The following GDF7 variants were observed in gnomAD, a reference collection of about 807,000 sequenced individuals.
The protein encoded by GDF7 is growth differentiation factor 7, also known as growth/differentiation factor 7.
Under a neutral mutation model 13.4 loss-of-function variants are expected in GDF7, and 12 were observed. The observed-to-expected ratio is 0.90, with a 90% CI of 0.57 to 1.45. GDF7 has a LOEUF of 1.45. Among genes scored for constraint, GDF7 ranks in the 40% most tolerant of loss-of-function variants. The probability of loss-of-function intolerance (pLI) is 0.00; values close to 1 mark genes in which losing one functional copy is unlikely to be tolerated. For missense variants in GDF7, 651 were observed against 652.4 expected, an observed-to-expected ratio of 1.00 and a Z score of 0.02; for synonymous variants, 330 against 306.4, an observed-to-expected ratio of 1.08 and a Z score of -0.80.
Position 20,673,645 on chromosome 2 carries a change from C to A in GDF7, c.*2220C>A, listed in dbSNP as rs1404154295. ...ATACTTTTTTAGTGACTAGTAAAAA[C>A]AATTTTTTGGGCAGAAATGTCTTGA... is the stretch of plus-strand genomic sequence containing the variant. On this transcript the variant is annotated 3_prime_UTR_variant, in exon 2 of 2. Coordinates refer to ENST00000272224, the MANE Select transcript of GDF7 (RefSeq NM_182828.4). 6.6e-6 allele frequency: 1 copy of A among 152,180 alleles called. No homozygotes were observed. The highest frequency in any genetic ancestry group is 1.5e-5 in the Non-Finnish European group (1 of 68,026). The allele number at this position is 152,180 out of a possible 1,614,324, so 9.4% of individuals were successfully genotyped here.
Position 20,670,518 on chromosome 2 carries a change from A to G in GDF7, c.446A>G (p.Asn149Ser). Reference sequence around the variant, plus strand: ...TTCCTGTTCGACGTGTCCAGCCTTAACGACGCAGACGAGGTGGTGGGTGCC... The same window carrying G: ...TTCCTGTTCGACGTGTCCAGCCTTAGCGACGCAGACGAGGTGGTGGGTGCC... ...QSFLFDVSSL[N>S]DADEVVGAEL... Residue 149 changes from asparagine (N) to serine (S), a missense_variant, in exon 2 of 2, where the codon AAC (asparagine) becomes AGC (serine). Physicochemically the swap from Asn to Ser is conservative, Grantham distance 46. Around this residue, in one of 4 missense-constraint regions of GDF7, gnomAD observed 487 missense variants for 445.9 expected, o/e 1.09. Transcript: ENST00000272224. 1 of 1,596,796 alleles carries G rather than the reference A, an allele frequency of 6.3e-7. No homozygotes were observed. The highest frequency in any genetic ancestry group is 8.5e-7 in the Non-Finnish European group (1 of 1,173,022).
rs1662110913 is a variant in GDF7, at chr2:20,670,973, C to T, written c.901C>T (p.Pro301Ser). 6.4e-7 allele frequency: 1 copy of T among 1,558,052 alleles called. No individual in the cohort carries two copies. The highest frequency in any genetic ancestry group is 8.6e-7 in the Non-Finnish European group (1 of 1,158,836). ...LGAALASEPL[P>S]DPGTGTASPR... Reference sequence around the variant, plus strand: ...GGCCGCTCTGGCCTCAGAGCCGCTGCCCGACCCAGGAACCGGCACCGCGTC... The same window carrying T: ...GGCCGCTCTGGCCTCAGAGCCGCTGTCCGACCCAGGAACCGGCACCGCGTC... Residue 301 changes from proline (P) to serine (S), a missense_variant, in exon 2 of 2, where the codon CCC becomes TCC. Pro to Ser is a moderately conservative substitution (Grantham distance 74). Around this residue, in one of 4 missense-constraint regions of GDF7, gnomAD observed 487 missense variants for 445.9 expected, o/e 1.09. Coordinates refer to ENST00000272224, the MANE Select transcript of GDF7 (RefSeq NM_182828.4).
intron 1 of GDF7, among the ~76,000 whole-genome samples, chr2:20,669,391 AGCTCCTTATCT>A (rs1265656117): frequency 6.6e-6 from 1 of 151,638 alleles, no homozygotes; most frequent in African/African-American, 2.4e-5. Flanking sequence ...CTTCAAAGGG[AGCTCCTTATCT>A]GCTGCGTGGT....
chr2:20,669,252 T>C (rs1662053035), intron 1 of GDF7, among the ~76,000 whole-genome samples: 1 of 151,922 alleles, frequency 6.6e-6, no homozygotes, highest in Non-Finnish European at 1.5e-5. Context: ...CAGAAGCCAT[T>C]GATAGGGATA....
rs761497794 is a variant in GDF7 at position 20,671,206 on chromosome 2, C to T, written c.1134C>T (p.Cys378=). 6.2e-7 allele frequency: 1 copy of T among 1,613,892 alleles called. No individual in the cohort carries two copies. The highest frequency in any genetic ancestry group is 1.1e-5 in the South Asian group (1 of 91,082). Residue 378 remains cysteine (C), a synonymous_variant, in exon 2 of 2, where the codon TGC becomes TGT. Transcript: ENST00000272224. ...IAPLDYEAYH[C]EGLCDFPLRS... ...CGCTGGACTACGAGGCGTACCACTG[C>T]GAGGGCCTTTGCGACTTCCCTTTGC...
intron 1 of GDF7, among the ~76,000 whole-genome samples, chr2:20,670,026 A>G (rs1358118108): frequency 6.6e-6 from 1 of 152,178 alleles, no homozygotes; most frequent in Non-Finnish European, 1.5e-5. Flanking sequence ...AGTCTCCTTA[A>G]GGCCCAGGAC....
rs1331424144 is a variant in GDF7 at position 20,674,279 on chromosome 2, G to A, written c.*2854G>A. The A allele has an allele frequency of 6.6e-6, 1 of 152,230 alleles. No homozygotes were observed. The highest frequency in any genetic ancestry group is 2.1e-4 in the South Asian group (1 of 4,836). 9.4% of individuals were successfully genotyped at this position (152,230 alleles called of 1,614,324 possible). A position where few individuals can be genotyped will look rare whatever the true frequency, so the allele number is the denominator to read the frequency against. ...GGAGAAAGCATGTCAAGACTGTGAG[G>A]AAAGGCTGTCCCCTCAACCCCAACC... On this transcript the variant is annotated 3_prime_UTR_variant, in exon 2 of 2. Coordinates refer to ENST00000272224, the MANE Select transcript of GDF7 (RefSeq NM_182828.4).
chr2:20,670,752 C>A lies in GDF7; in HGVS notation c.680C>A (p.Pro227His), dbSNP rs759625476. 7 of 1,485,196 alleles carry A rather than the reference C, an allele frequency of 4.7e-6. No homozygotes were observed. Among genetic ancestry groups the A allele is most frequent in the African/African-American group, 1.5e-5 (1 of 68,870 alleles). The allele number at this position is 1,485,196 out of a possible 1,614,324, so 92.0% of individuals were successfully genotyped here. Reference sequence around the variant, plus strand: ...CGCCACCGTCGTGAACCGCGCCCCCCCCGCGCGTTCTGCCTCTTGCTGCGC... The same window carrying A: ...CGCCACCGTCGTGAACCGCGCCCCCACCGCGCGTTCTGCCTCTTGCTGCGC... ...MRRHRREPRP[P>H]RAFCLLLRAV... is the part of the protein sequence containing the mutation. Residue 227 changes from proline (P) to histidine (H), a missense_variant, in exon 2 of 2, where the codon CCC becomes CAC. This residue lies in a region of GDF7 where 487 missense variants were observed against 445.9 expected (regional missense o/e 1.09). Coordinates refer to ENST00000272224, the MANE Select transcript of GDF7 (RefSeq NM_182828.4).
chr2:20,667,386 C>CGGCGGCGGA lies in GDF7; in HGVS notation c.149_150insCGGCGGAGG (p.Gly48_Gly50dup), dbSNP rs1258989237. 1 of 972,108 alleles carries CGGCGGCGGA rather than the reference C, an allele frequency of 1.0e-6. No homozygotes were observed. Among genetic ancestry groups the CGGCGGCGGA allele is most frequent in the Non-Finnish European group, 1.2e-6 (1 of 820,780 alleles). 60.2% of individuals were successfully genotyped at this position (972,108 alleles called of 1,614,324 possible). A position where few individuals can be genotyped will look rare whatever the true frequency, so the allele number is the denominator to read the frequency against. ...GGGGCGGCGGCGGCGGCGGCGGCGG[C>CGGCGGCGGA]GGGCGGACTCTTGCCCAGGCTGCGG... On this transcript the variant is annotated inframe_insertion, in exon 1 of 2. Transcript: ENST00000272224. This position sits in a 1 kb window ranked among gnomAD's most constrained non-coding sequence, Gnocchi z 6.4.
rs1406380846 is a variant in GDF7, at chr2:20,678,641, C to T, written c.*7216C>T. ...CTGCAGCTTAGAAAGCAAATTTCATCTGATTCCAGTACTGTGATTTTAAGG... is the reference window on the plus strand; with the variant it reads ...CTGCAGCTTAGAAAGCAAATTTCATTTGATTCCAGTACTGTGATTTTAAGG... On this transcript the variant is annotated 3_prime_UTR_variant, in exon 2 of 2. Transcript: ENST00000272224. 1.3e-5 allele frequency: 2 copies of T among 152,228 alleles called. No individual in the cohort carries two copies. Among genetic ancestry groups the T allele is most frequent in the Non-Finnish European group, 2.9e-5 (2 of 68,038 alleles). 9.4% of individuals were successfully genotyped at this position (152,228 alleles called of 1,614,324 possible).
rs1176754057 is a variant in GDF7, at chr2:20,677,627, G to A, written c.*6202G>A. 1.3e-5 allele frequency: 2 copies of A among 152,248 alleles called. No homozygotes were observed. 9.4% of individuals were successfully genotyped at this position (152,248 alleles called of 1,614,324 possible). A position where few individuals can be genotyped will look rare whatever the true frequency, so the allele number is the denominator to read the frequency against. ...AAGGTTCGTTAACAGGCATCCTGCT[G>A]AATTAGAAGGAAACAGGAACGAATC... On this transcript the variant is annotated 3_prime_UTR_variant, in exon 2 of 2. Transcript: ENST00000272224.
At position 20,670,743 on chromosome 2, in the gene GDF7, C is replaced by G; in HGVS notation, c.671C>G (p.Pro224Arg). ...GCCATGAGGCGCCACCGTCGTGAAC[C>G]GCGCCCCCCCCGCGCGTTCTGCCTC... is the stretch of plus-strand genomic sequence containing the variant. ...ADAMRRHRRE[P>R]RPPRAFCLLL... The change falls in exon 2 of 2, where the codon CCG becomes CGG. Residue 224 changes from proline to arginine, a missense_variant. Physicochemically the swap from Pro to Arg is moderately radical, Grantham distance 103 (BLOSUM62 -2). This residue lies in a region of GDF7 where 487 missense variants were observed against 445.9 expected (regional missense o/e 1.09). Transcript: ENST00000272224. 1 of 1,483,208 alleles carries G rather than the reference C, an allele frequency of 6.7e-7. No homozygotes were observed. 91.9% of individuals were successfully genotyped at this position (1,483,208 alleles called of 1,614,324 possible).
rs866960217 is a variant in GDF7 at position 20,672,120 on chromosome 2, C to T, written c.*695C>T. 7.2e-5 allele frequency: 7 copies of T among 96,718 alleles called. No individual in the cohort carries two copies. In the East Asian group the frequency reaches 1.2e-3, roughly 17 times the overall value. The allele number at this position is 96,718 out of a possible 1,614,324, so 6.0% of individuals were successfully genotyped here. A position where few individuals can be genotyped will look rare whatever the true frequency, so the allele number is the denominator to read the frequency against. ...GTCGGTACCGCCACCCCCCCCCCCC[C>T]CCCCGCCTTTTTTTTTTTTTTTTTT... is the stretch of plus-strand genomic sequence containing the variant. On this transcript the variant is annotated 3_prime_UTR_variant, in exon 2 of 2. Transcript: ENST00000272224.
rs1417950135 is a variant in GDF7 at position 20,672,645 on chromosome 2, C to T, written c.*1220C>T. On this transcript the variant is annotated 3_prime_UTR_variant, in exon 2 of 2. Coordinates refer to ENST00000272224, the MANE Select transcript of GDF7 (RefSeq NM_182828.4). ...ACTCAAAAATGCTTTTGTCAGACTT[C>T]AACTCACAACCCAGACCTTTAGAGC... 1 of 152,250 alleles carries T rather than the reference C, an allele frequency of 6.6e-6. No individual in the cohort carries two copies. The highest frequency in any genetic ancestry group is 1.5e-5 in the Non-Finnish European group (1 of 68,046). The allele number at this position is 152,250 out of a possible 1,614,324, so 9.4% of individuals were successfully genotyped here.
At position 20,671,357 on chromosome 2, in the gene GDF7, G is replaced by A. The variant is rs142632106; in HGVS notation, c.1285G>A (p.Asp429Asn). 8.2e-5 allele frequency: 132 copies of A among 1,613,028 alleles called. No homozygotes were observed. The highest frequency in any genetic ancestry group is 1.0e-4 in the Non-Finnish European group (123 of 1,179,842). The change falls in exon 2 of 2, where the codon GAC becomes AAC. Residue 429 changes from aspartate to asparagine, a missense_variant. Physicochemically the swap from Asp to Asn is conservative, Grantham distance 23 (BLOSUM62 1). Around this residue, in one of 4 missense-constraint regions of GDF7, gnomAD observed 101 missense variants for 139.2 expected, o/e 0.73. Transcript: ENST00000272224. ...CAGCCCCATCAGCATCCTCTACATC[G>A]ACGCCGCCAACAACGTTGTCTACAA... Reference protein sequence around the residue: ...RLSPISILYIDAANNVVYKQY... With the variant: ...RLSPISILYINAANNVVYKQY...
At position 20,670,710 on chromosome 2, in the gene GDF7, T is replaced by A; in HGVS notation, c.638T>A (p.Val213Glu). 6.8e-7 allele frequency: 1 copy of A among 1,477,634 alleles called. No homozygotes were observed. The highest frequency in any genetic ancestry group is 8.9e-7 in the Non-Finnish European group (1 of 1,119,812). 91.5% of individuals were successfully genotyped at this position (1,477,634 alleles called of 1,614,324 possible). A position where few individuals can be genotyped will look rare whatever the true frequency, so the allele number is the denominator to read the frequency against. Residue 213 changes from valine to glutamate, a missense_variant, in exon 2 of 2, where the codon GTG becomes GAG. Coordinates refer to ENST00000272224, the MANE Select transcript of GDF7 (RefSeq NM_182828.4). ...GGTCAGCGCTGGGAGGCGTTCGACGTGGCGGACGCCATGAGGCGCCACCGT... is the reference window on the plus strand; with the variant it reads ...GGTCAGCGCTGGGAGGCGTTCGACGAGGCGGACGCCATGAGGCGCCACCGT... ...LVGQRWEAFD[V>E]ADAMRRHRRE...
Position 20,671,338 on chromosome 2 carries a change from C to T in GDF7, c.1266C>T (p.Pro422=). 2 of 1,613,546 alleles carry T rather than the reference C, an allele frequency of 1.2e-6. No homozygotes were observed. Among genetic ancestry groups the T allele is most frequent in the Non-Finnish European group, 1.7e-6 (2 of 1,179,908 alleles). The change falls in exon 2 of 2, where the codon CCC becomes CCT. Residue 422 remains proline (P), a synonymous_variant. Coordinates refer to ENST00000272224, the MANE Select transcript of GDF7 (RefSeq NM_182828.4). ...GCTGTGTGCCAGCGCGCCTCAGCCCCATCAGCATCCTCTACATCGACGCCG... is the reference window on the plus strand; with the variant it reads ...GCTGTGTGCCAGCGCGCCTCAGCCCTATCAGCATCCTCTACATCGACGCCG... ...ASCCVPARLS[P]ISILYIDAAN...
rs1662134255 is a variant in GDF7 at position 20,671,971 on chromosome 2, G to A, written c.*546G>A. The A allele has an allele frequency of 6.6e-6, 1 of 152,332 alleles. No individual in the cohort carries two copies. Among genetic ancestry groups the A allele is most frequent in the Admixed American group, 6.5e-5 (1 of 15,290 alleles). 9.4% of individuals were successfully genotyped at this position (152,332 alleles called of 1,614,324 possible). A position where few individuals can be genotyped will look rare whatever the true frequency, so the allele number is the denominator to read the frequency against. On this transcript the variant is annotated 3_prime_UTR_variant, in exon 2 of 2. Transcript: ENST00000272224. The stretch of plus-strand genomic sequence containing the variant: ...GTGTTGCATGGGGCCGTTTACCCTG[G>A]AACTGCTGCAAAAAGCATCTTTCTT...
chr2:20,671,297 G>T lies in GDF7; in HGVS notation c.1225G>T (p.Ala409Ser). ...QTLLNSMAPD[A>S]APASCCVPAR... is the part of the protein sequence containing the mutation. ...GCTGCTCAACTCCATGGCACCAGACGCGGCGCCGGCCTCCTGCTGTGTGCC... is the reference window on the plus strand; with the variant it reads ...GCTGCTCAACTCCATGGCACCAGACTCGGCGCCGGCCTCCTGCTGTGTGCC... The change falls in exon 2 of 2, where the codon GCG (alanine) becomes TCG (serine). Residue 409 changes from alanine to serine, a missense_variant. Physicochemically the swap from Ala to Ser is moderately conservative, Grantham distance 99 (BLOSUM62 1). Around this residue, in one of 4 missense-constraint regions of GDF7, gnomAD observed 101 missense variants for 139.2 expected, o/e 0.73. Transcript: ENST00000272224. 1 of 1,613,754 alleles carries T rather than the reference G, an allele frequency of 6.2e-7. No homozygotes were observed. The highest frequency in any genetic ancestry group is 8.5e-7 in the Non-Finnish European group (1 of 1,179,938).
Sources: gnomAD v4.1 joint callset for allele counts (sites outside exome capture counted in the v4.1 genomes callset) on GRCh38, gnomAD v4.1.1 for gene constraint, gnomAD v4.1.1 regional missense constraint, Gnocchi (gnomAD v3.1) non-coding constraint, MANE v1.5 for transcripts, NCBI Gene and HGNC (gene_info 2026-07-23, HGNC 2026-07-21) for gene names.